The following PTPRK variants were observed in gnomAD, a reference collection of about 807,000 sequenced individuals.
PTPRK encodes the protein receptor-type tyrosine-protein phosphatase kappa.
Under a neutral mutation model 178.0 loss-of-function variants are expected in PTPRK, and 75 were observed. That is an observed-to-expected ratio of 0.42 (90% CI 0.35 to 0.51). PTPRK has a LOEUF of 0.51. Ranked by LOEUF, PTPRK falls within the 20% of genes least tolerant of loss-of-function variation. The probability of loss-of-function intolerance (pLI) is 0.02; values close to 1 mark genes in which losing one functional copy is unlikely to be tolerated. For synonymous variants in PTPRK, 637 were observed against 620.6 expected, an observed-to-expected ratio of 1.03 and a Z score of -0.39; for missense variants, 1,441 against 1,797.8, an observed-to-expected ratio of 0.80 and a Z score of 3.59.
chr6:128,239,096 G>T, intron 5 of PTPRK, among the ~76,000 whole-genome samples: 3 of 147,236 alleles, frequency 2.0e-5, no homozygotes, highest in African/African-American at 5.0e-5. Context: ...AAATCATGAT[G>T]CCTATGTTGA....
intron 7 of PTPRK, 108 bp downstream of exon 7, chr6:128,184,324 G>T (rs1292144644): frequency 1.8e-6 from 2 of 1,106,214 alleles, no homozygotes; most frequent in Non-Finnish European, 2.6e-6. Flanking sequence ...TCTTAATAGT[G>T]TGACTATATC....
chr6:128,302,018 C>T (rs1234830123), intron 3 of PTPRK, among the ~76,000 whole-genome samples: 2 of 152,028 alleles, frequency 1.3e-5, no homozygotes, highest in Admixed American at 6.6e-5. Context: ...ATCTTAAGTT[C>T]CCGAGACTAA....
At chr6:128,073,106 T>G (rs1267658401) in intron 11 of PTPRK, among the ~76,000 whole-genome samples, 1 of 152,094 alleles carries the variant, frequency 6.6e-6, no homozygotes, top group Non-Finnish European at 1.5e-5. Context: ...GTTTTTTAGG[T>G]ATATGTCTTT....
chr6:128,239,085 A>T (rs1036394126), intron 5 of PTPRK, among the ~76,000 whole-genome samples: 1 of 151,954 alleles, frequency 6.6e-6, no homozygotes, highest in Non-Finnish European at 1.5e-5. Flanking sequence ...TAGTAAAAAA[A>T]AAATCATGAT....
intron 3 of PTPRK, among the ~76,000 whole-genome samples, chr6:128,314,201 A>T (rs1445842247): frequency 6.6e-6 from 1 of 152,126 alleles, no homozygotes; most frequent in Non-Finnish European, 1.5e-5. Context: ...CATATTTTTT[A>T]AATTTTAATT....
chr6:128,303,036 CTACGCTTG>C (rs1825872977), intron 3 of PTPRK, among the ~76,000 whole-genome samples: 1 of 152,144 alleles, frequency 6.6e-6, no homozygotes, highest in Non-Finnish European at 1.5e-5. Context: ...TCACGATTCA[CTACGCTTG>C]TACAATTAGA....
intron 2 of PTPRK, among the ~76,000 whole-genome samples, chr6:128,394,901 G>A (rs1840083263): frequency 1.3e-5 from 2 of 152,018 alleles, no homozygotes; most frequent in Non-Finnish European, 2.9e-5. Context: ...TTAATAAACA[G>A]AAGCCAGTTA....
At chr6:128,153,508 T>C (rs539352477) in intron 7 of PTPRK, among the ~76,000 whole-genome samples, 8 of 152,136 alleles carry the variant, frequency 5.3e-5, no homozygotes, top group Non-Finnish European at 1.0e-4. Flanking sequence ...AGATTTTGAT[T>C]TAAATTACTT....
chr6:128,339,269 G>C (rs1186692591), intron 2 of PTPRK, among the ~76,000 whole-genome samples: 2 of 152,038 alleles, frequency 1.3e-5, no homozygotes, highest in Non-Finnish European at 2.9e-5. Flanking sequence ...TTTCAATAGT[G>C]ATTAACAATT....
chr6:128,058,637 T>G (rs1582778786), intron 13 of PTPRK, among the ~76,000 whole-genome samples: 1 of 152,268 alleles, frequency 6.6e-6, no homozygotes, highest in East Asian at 1.9e-4. Flanking sequence ...AAAGAGGTCT[T>G]AAGTAGAATT....
intron 3 of PTPRK, among the ~76,000 whole-genome samples, chr6:128,273,155 G>A (rs1820144359): frequency 6.6e-6 from 1 of 152,066 alleles, no homozygotes. Context: ...ATTGAACAAT[G>A]AGAACACTTG....
Position 128,005,220 on chromosome 6 carries a change from A to C in PTPRK, c.2358T>G (p.Asp786Glu), listed in dbSNP as rs767630089. 5.6e-6 allele frequency: 9 copies of C among 1,611,192 alleles called. No individual in the cohort carries two copies. In the African/African-American group the frequency reaches 1.2e-4, roughly 22 times the overall value. Residue 786 changes from aspartate to glutamate, a missense_variant, in exon 15 of 30, where the codon GAT becomes GAG. This residue lies in a region of PTPRK where 945 missense variants were observed against 1,080.6 expected (regional missense o/e 0.87). Coordinates refer to ENST00000368226, the MANE Select transcript of PTPRK (RefSeq NM_002844.4). Reference sequence around the variant, plus strand: ...TCTCCTGCCGGGTATTCCCCATGGCATCTTTGCGTTTTTTAGCAAGTTTGC... The same window carrying C: ...TCTCCTGCCGGGTATTCCCCATGGCCTCTTTGCGTTTTTTAGCAAGTTTGC... Reference protein sequence around the residue: ...KKSKLAKKRKDAMGNTRQEMT... With the variant: ...KKSKLAKKRKEAMGNTRQEMT...
chr6:128,477,768 A>G (rs1419290544), intron 1 of PTPRK, among the ~76,000 whole-genome samples: 1 of 152,168 alleles, frequency 6.6e-6, no homozygotes, highest in Non-Finnish European at 1.5e-5. Flanking sequence ...CAAATATACA[A>G]TTTAAACACT....
At chr6:128,117,115 C>T (rs755301198) in intron 7 of PTPRK, among the ~76,000 whole-genome samples, 14 of 151,936 alleles carry the variant, frequency 9.2e-5, no homozygotes, top group Non-Finnish European at 1.3e-4. Context: ...CACTGCACTC[C>T]AGCCTGGGAG....
chr6:128,257,161 C>T (rs1407075755), intron 3 of PTPRK, among the ~76,000 whole-genome samples: 2 of 150,162 alleles, frequency 1.3e-5, no homozygotes, highest in South Asian at 2.1e-4. Flanking sequence ...ACATGGGAGG[C>T]GGAGATTGTG....
intron 7 of PTPRK, among the ~76,000 whole-genome samples, chr6:128,098,160 T>C (rs1788206049): frequency 6.6e-6 from 1 of 152,206 alleles, no homozygotes; most frequent in Non-Finnish European, 1.5e-5. Context: ...GTAGTTTCAA[T>C]ATGTTTCAAG....
intron 3 of PTPRK, among the ~76,000 whole-genome samples, chr6:128,302,465 C>T (rs993592196): frequency 4.0e-5 from 6 of 150,196 alleles, no homozygotes; most frequent in Non-Finnish European, 8.9e-5. Context: ...ATCCATACTT[C>T]CATTGCTCTG....
chr6:128,201,722 C>T (rs116221554), intron 6 of PTPRK, among the ~76,000 whole-genome samples: 3,885 of 151,776 alleles, frequency 0.026, 102 homozygotes, highest in African/African-American at 0.07. Flanking sequence ...TTTACTAAAT[C>T]AAATTTTAAA....
At chr6:128,396,459 T>C (rs1840313166) in intron 2 of PTPRK, among the ~76,000 whole-genome samples, 1 of 151,790 alleles carries the variant, frequency 6.6e-6, no homozygotes, top group Admixed American at 6.6e-5. Flanking sequence ...CCTGTTTACA[T>C]TTTAATGTCA....
Sources: allele counts gnomAD v4.1 joint callset (sites outside exome capture counted in the v4.1 genomes callset), GRCh38; gene constraint gnomAD v4.1.1; regional missense constraint gnomAD v4.1.1; transcripts MANE v1.5; gene names NCBI Gene and HGNC (gene_info 2026-07-23, HGNC 2026-07-21).